XKR9: variants seen among roughly 807,000 people sequenced by gnomAD.
XKR9 encodes the protein XK-related protein 9.
XKR9 carries 32 observed loss-of-function variants against 32.0 expected under a neutral mutation model. The ratio of observed to expected loss-of-function variants is 1.00; its 90% CI spans 0.76 to 1.34. The LOEUF (loss-of-function observed/expected upper bound fraction) is 1.34, where lower values mean the gene tolerates loss of function less well. XKR9 is among the 40% of genes most tolerant of loss of function. The pLI is 0.00. For synonymous variants in XKR9, 168 were observed against 143.4 expected (o/e 1.17, Z -1.22); for missense variants, 546 against 429.7 (o/e 1.27, Z -2.39).
At chr8:70,927,521 G>A in the XKR9 span, among the ~76,000 whole-genome samples, 3 of 152,170 alleles carry the variant, frequency 2.0e-5, no homozygotes, top group Non-Finnish European at 2.9e-5. Context: ...TGTCTGGGAA[G>A]GGTTTGCTTT....
At chr8:70,963,295 T>C in the XKR9 span, among the ~76,000 whole-genome samples, 1 of 152,156 alleles carries the variant, frequency 6.6e-6, no homozygotes, top group East Asian at 1.9e-4. Context: ...AAGGACATGA[T>C]CTCATTTCTT....
chr8:70,797,061 T>G, the XKR9 span, among the ~76,000 whole-genome samples: 6 of 152,204 alleles, frequency 3.9e-5, no homozygotes, highest in Admixed American at 3.9e-4. Flanking sequence ...TAGTGGTTGC[T>G]GGATTTTTAG....
At chr8:70,763,243 A>C (rs1807331279) in intron 2 of XKR9, among the ~76,000 whole-genome samples, 2 of 152,108 alleles carry the variant, frequency 1.3e-5, no homozygotes, top group Non-Finnish European at 2.9e-5. Flanking sequence ...AATGTGATTC[A>C]CTCTACTTCA....
At chr8:70,766,441 C>G (rs1807376805) in intron 2 of XKR9, among the ~76,000 whole-genome samples, 1 of 152,124 alleles carries the variant, frequency 6.6e-6, no homozygotes, top group South Asian at 2.1e-4. Context: ...TTTTTGCACA[C>G]TGATTTTGTA....
chr8:70,886,233 T>C, the XKR9 span, among the ~76,000 whole-genome samples: 1 of 152,238 alleles, frequency 6.6e-6, no homozygotes, highest in Non-Finnish European at 1.5e-5. Flanking sequence ...TCTTTTTTTA[T>C]GGCTGCATAG....
At chr8:70,928,538 A>C in the XKR9 span, among the ~76,000 whole-genome samples, 3 of 152,298 alleles carry the variant, frequency 2.0e-5, no homozygotes, top group Non-Finnish European at 2.9e-5. Context: ...ACATTGATCA[A>C]AATTTTACCA....
intron 4 of XKR9, 55 bp from the exon 5 acceptor site, chr8:70,733,741 T>A: frequency 7.1e-7 from 1 of 1,400,196 alleles, no homozygotes; most frequent in Non-Finnish European, 9.4e-7. Flanking sequence ...GATATAGTAA[T>A]CTAATATTTC....
At chr8:70,746,237 C>T (rs1170862803) in intron 2 of XKR9, among the ~76,000 whole-genome samples, 2 of 149,744 alleles carry the variant, frequency 1.3e-5, no homozygotes, top group Non-Finnish European at 3.0e-5. Context: ...TATGATTATA[C>T]ATTCATATCT....
chr8:70,896,509 A>G, the XKR9 span, among the ~76,000 whole-genome samples: 508 of 149,644 alleles, frequency 3.4e-3, 3 homozygotes, highest in South Asian at 0.016. Flanking sequence ...CTTTTAATGT[A>G]TATGGGGACT....
At chr8:70,754,313 C>T (rs1807186284) in intron 2 of XKR9, among the ~76,000 whole-genome samples, 1 of 144,720 alleles carries the variant, frequency 6.9e-6, no homozygotes, top group Admixed American at 8.1e-5. Context: ...TAGGAAGAAT[C>T]AATATCGTGA....
intron 2 of XKR9, among the ~76,000 whole-genome samples, chr8:70,782,021 C>T (rs1298135494): frequency 1.3e-5 from 2 of 152,172 alleles, no homozygotes; most frequent in Non-Finnish European, 1.5e-5. Context: ...AAATTATAAG[C>T]TCCAGACCTC....
At chr8:71,046,047 T>C in the XKR9 span, among the ~76,000 whole-genome samples, 4 of 152,176 alleles carry the variant, frequency 2.6e-5, no homozygotes, top group South Asian at 2.1e-4. Flanking sequence ...CTTGTGTTTC[T>C]TGTGACTTGT....
At chr8:71,038,402 C>A in the XKR9 span, among the ~76,000 whole-genome samples, 4 of 150,372 alleles carry the variant, frequency 2.7e-5, no homozygotes, top group Admixed American at 6.6e-5. Context: ...CTCACTACAA[C>A]CTCTGCCTCC....
the XKR9 span, among the ~76,000 whole-genome samples, chr8:70,909,609 C>G: frequency 6.6e-6 from 1 of 151,618 alleles, no homozygotes; most frequent in Non-Finnish European, 1.5e-5. Flanking sequence ...CGCCACTGCA[C>G]TCCAGCCTGT....
chr8:70,780,502 T>C (rs1465819313), intron 2 of XKR9, among the ~76,000 whole-genome samples: 1 of 152,052 alleles, frequency 6.6e-6, no homozygotes, highest in Non-Finnish European at 1.5e-5. Context: ...TATAGAAACA[T>C]AATGTTCAGT....
At chr8:70,695,401 C>T (rs1021463784) in intron 3 of XKR9, among the ~76,000 whole-genome samples, 1 of 140,152 alleles carries the variant, frequency 7.1e-6, no homozygotes, top group African/African-American at 2.7e-5. Flanking sequence ...CTGTTCAATT[C>T]CCACCTATGA....
the XKR9 span, among the ~76,000 whole-genome samples, chr8:70,883,062 T>A: frequency 1.3e-5 from 2 of 151,926 alleles, no homozygotes; most frequent in Non-Finnish European, 2.9e-5. Context: ...TTCTGAAATT[T>A]AATGCACCTG....
At chr8:70,977,740 G>A in the XKR9 span, among the ~76,000 whole-genome samples, 1 of 152,214 alleles carries the variant, frequency 6.6e-6, no homozygotes, top group Non-Finnish European at 1.5e-5. Context: ...TTCTGTAGAT[G>A]TCTATTAGGT....
the XKR9 span, among the ~76,000 whole-genome samples, chr8:70,952,443 T>C: frequency 6.6e-6 from 1 of 152,212 alleles, no homozygotes. Context: ...TTCAAATCCC[T>C]TTCTTGTCCT....
Sources: gnomAD v4.1 joint callset for allele counts (sites outside exome capture counted in the v4.1 genomes callset) on GRCh38, gnomAD v4.1.1 for gene constraint, MANE v1.5 for transcripts, NCBI Gene and HGNC (gene_info 2026-07-23, HGNC 2026-07-21) for gene names.